MAPT: variants seen among roughly 807,000 people sequenced by gnomAD.
MAPT encodes microtubule associated protein tau, also known as microtubule-associated protein tau.
A neutral mutation model predicts 67.9 loss-of-function variants in MAPT; 34 were observed. The observed-to-expected ratio is 0.50, with a 90% CI of 0.38 to 0.67. The LOEUF (loss-of-function observed/expected upper bound fraction) is 0.67, where lower values mean the gene tolerates loss of function less well. Among genes scored for constraint, MAPT ranks in the 30% least tolerant of loss-of-function variants. The probability of loss-of-function intolerance (pLI) is 0.00; values close to 1 mark genes in which losing one functional copy is unlikely to be tolerated. For missense variants in MAPT, 881 were observed against 1,115.2 expected, an observed-to-expected ratio of 0.79 and a Z score of 2.99; for synonymous variants, 456 against 464.5, an observed-to-expected ratio of 0.98 and a Z score of 0.23.
intron 1 of MAPT, among the ~76,000 whole-genome samples, chr17:45,956,377 A>G (rs1057178741): frequency 5.9e-5 from 9 of 151,950 alleles, no homozygotes; most frequent in African/African-American, 1.7e-4. Context: ...CTGGCTTCTC[A>G]CACTTCCCAG....
intron 5 of MAPT, among the ~76,000 whole-genome samples, chr17:45,984,666 C>T (rs560906457): frequency 1.3e-5 from 2 of 152,348 alleles, no homozygotes; most frequent in East Asian, 3.9e-4. Context: ...CATGCCACCA[C>T]CTCCCTCTGC....
At chr17:46,002,803 GAC>G (rs1309543327) in intron 9 of MAPT, among the ~76,000 whole-genome samples, 6 of 152,212 alleles carry the variant, frequency 3.9e-5, no homozygotes, top group Non-Finnish European at 7.4e-5. Flanking sequence ...TCTTTTTTGA[GAC>G]AGAGTCTTGC....
Position 45,983,588 on chromosome 17 carries a change from G to C in MAPT, c.1009G>C (p.Glu337Gln). 1.2e-6 allele frequency: 2 copies of C among 1,613,232 alleles called. No homozygotes were observed. The highest frequency in any genetic ancestry group is 1.7e-6 in the Non-Finnish European group (2 of 1,179,982). The stretch of plus-strand genomic sequence containing the variant: ...CACCAGCATCCCAGGCTTCCCAGCG[G>C]AGGGTGCCATCCCCCTCCCTGTGGA... ...EATSIPGFPA[E>Q]GAIPLPVDFL... is the part of the protein sequence containing the mutation. The change falls in exon 5 of 13, where the codon GAG becomes CAG. Residue 337 changes from glutamate to glutamine, a missense_variant. Physicochemically the swap from Glu to Gln is conservative, Grantham distance 29. Transcript: ENST00000262410.
intron 1 of MAPT, among the ~76,000 whole-genome samples, chr17:45,960,312 A>G (rs1023725358): frequency 4.6e-5 from 7 of 152,258 alleles, no homozygotes; most frequent in Admixed American, 1.3e-4. Flanking sequence ...TGAGAACAGC[A>G]GAGCCGTTTT....
chr17:45,987,117 G>A, intron 6 of MAPT, 22 bp downstream of exon 6: 2 of 1,612,496 alleles, frequency 1.2e-6, no homozygotes, highest in Non-Finnish European at 1.7e-6. Flanking sequence ...ATGCCACGGA[G>A]CTCTGCAGCT....
intron 1 of MAPT, among the ~76,000 whole-genome samples, chr17:45,942,801 A>T (rs913525366): frequency 6.6e-5 from 10 of 152,238 alleles, no homozygotes; most frequent in Admixed American, 4.6e-4. Context: ...GGTTCTGAAC[A>T]CTTGACATGT....
intron 1 of MAPT, among the ~76,000 whole-genome samples, chr17:45,930,604 A>G (rs1207080440): frequency 6.6e-6 from 1 of 152,164 alleles, no homozygotes; most frequent in African/African-American, 2.4e-5. Context: ...CAGCCAGTAA[A>G]TTACAGAAAC....
At chr17:45,924,979 G>A (rs541347929) in intron 1 of MAPT, among the ~76,000 whole-genome samples, 1 of 152,094 alleles carries the variant, frequency 6.6e-6, no homozygotes, top group African/African-American at 2.4e-5. Context: ...GACCCTCAAC[G>A]TAAGCAATGG....
At chr17:45,938,915 G>C (rs1256031918) in intron 1 of MAPT, among the ~76,000 whole-genome samples, 1 of 150,006 alleles carries the variant, frequency 6.7e-6, no homozygotes, top group Non-Finnish European at 1.5e-5. Context: ...CTGGGTTCAA[G>C]TGATTCTTGT....
chr17:46,022,310 T>G (rs2076576907), intron 12 of MAPT, among the ~76,000 whole-genome samples: 1 of 141,012 alleles, frequency 7.1e-6, no homozygotes, highest in South Asian at 2.2e-4. Context: ...GCTGAGATCG[T>G]GCCACTGCAC....
intron 1 of MAPT, among the ~76,000 whole-genome samples, chr17:45,944,611 G>A (rs887088037): frequency 3.9e-5 from 6 of 152,192 alleles, no homozygotes; most frequent in African/African-American, 1.2e-4. Context: ...AGGGTAGAGC[G>A]GGCCTCCCCA....
rs546445407 is a variant in MAPT at position 46,011,401 on chromosome 17, A to C, written c.2091+999A>C. Among the ~76,000 whole-genome samples, 899 of 152,306 alleles carry C rather than the reference A, an allele frequency of 5.9e-3. 1 individual carries two copies. The highest frequency in any genetic ancestry group is 7.5e-3 in the Non-Finnish European group (508 of 68,026). The stretch of plus-strand genomic sequence containing the variant: ...ACAGAGTGAGACTTTGTCTCAAAAA[A>C]CAATCATATAATAATTTTAAAATAA... On this transcript the variant is annotated intron_variant, in intron 10 of 12. Coordinates refer to ENST00000262410, the MANE Select transcript of MAPT (RefSeq NM_001377265.1).
intron 5 of MAPT, 130 bp downstream of exon 5, chr17:45,984,060 C>A: frequency 1.3e-6 from 1 of 796,884 alleles, no homozygotes. Context: ...GCCACTAAAT[C>A]GACACCTGGG....
At chr17:45,933,370 G>A (rs977956519) in intron 1 of MAPT, among the ~76,000 whole-genome samples, 17 of 151,248 alleles carry the variant, frequency 1.1e-4, no homozygotes, top group Admixed American at 3.3e-4. Context: ...TCAGCCTCCC[G>A]AGTAGCTGGG....
intron 11 of MAPT, among the ~76,000 whole-genome samples, chr17:46,015,367 A>G (rs1205272544): frequency 1.8e-5 from 2 of 112,162 alleles, no homozygotes; most frequent in African/African-American, 5.3e-5. Flanking sequence ...CAAAAATAAA[A>G]ATAAAAATAC....
intron 2 of MAPT, among the ~76,000 whole-genome samples, chr17:45,970,083 C>CCCAT (rs137876410): frequency 0.066 from 9,588 of 145,072 alleles, 1,079 homozygotes; most frequent in African/African-American, 0.23. Flanking sequence ...CATCTATCCA[C>CCCAT]CCATCCATCC....
Position 45,990,068 on chromosome 17 carries a change from A to G in MAPT, c.1598A>G (p.Lys533Arg). ...GGCAGTTCTGGAGCAAAGGAGATGA[A>G]ACTCAAGGTAAGGAAACCACCTTTG... ...RTGSSGAKEM[K>R]LKGADGKTKI... The change falls in exon 7 of 13, where the codon AAA becomes AGA. Residue 533 changes from lysine (K) to arginine (R), a missense_variant. Physicochemically the swap from Lys to Arg is conservative, Grantham distance 26 (BLOSUM62 2). This residue lies in a region of MAPT where 687 missense variants were observed against 766.1 expected (regional missense o/e 0.90). Transcript: ENST00000262410. 6.2e-7 allele frequency: 1 copy of G among 1,614,186 alleles called. No homozygotes were observed. The highest frequency in any genetic ancestry group is 8.5e-7 in the Non-Finnish European group (1 of 1,180,010).
intron 2 of MAPT, among the ~76,000 whole-genome samples, chr17:45,964,621 T>C (rs62063286): frequency 0.15 from 23,145 of 151,308 alleles, 2,354 homozygotes; most frequent in Non-Finnish European, 0.23. Flanking sequence ...GAGGCGGAGG[T>C]TGCCGTGAGC....
rs1298826137 is a variant in MAPT, at chr17:46,010,428, G to A, written c.2091+26G>A. The A allele has an allele frequency of 1.2e-5, 17 of 1,474,254 alleles. No individual in the cohort carries two copies. Among genetic ancestry groups the A allele is most frequent in the Non-Finnish European group, 1.5e-5 (16 of 1,073,874 alleles). The allele number at this position is 1,474,254 out of a possible 1,614,324, so 91.3% of individuals were successfully genotyped here. On this transcript the variant is annotated intron_variant, in intron 10 of 12. Transcript: ENST00000262410. This position sits in a 1 kb window ranked among gnomAD's most constrained non-coding sequence, Gnocchi z 4.7. ...GTGAGTACCTTCACACGTCCCATGC[G>A]CCGTGCTGTGGCTTGAATTATTAGG...
Sources: allele counts gnomAD v4.1 joint callset (sites outside exome capture counted in the v4.1 genomes callset), GRCh38; gene constraint gnomAD v4.1.1; regional missense constraint gnomAD v4.1.1; non-coding constraint Gnocchi (gnomAD v3.1); transcripts MANE v1.5; gene names NCBI Gene and HGNC (gene_info 2026-07-23, HGNC 2026-07-21).